ANO2: variants seen among roughly 807,000 people sequenced by gnomAD.
The protein encoded by ANO2 is anoctamin-2.
ANO2 carries 101 observed loss-of-function variants against 124.2 expected under a neutral mutation model. The ratio of observed to expected loss-of-function variants is 0.81; its 90% CI spans 0.69 to 0.96. The LOEUF (loss-of-function observed/expected upper bound fraction) is 0.96. Among genes scored for constraint, ANO2 ranks in the 40% least tolerant of loss-of-function variants. The probability of loss-of-function intolerance (pLI) is 0.00; values close to 1 mark genes in which losing one functional copy is unlikely to be tolerated. For missense variants in ANO2, 1,293 were observed against 1,274.5 expected (o/e 1.01, Z -0.22); for synonymous variants, 486 against 482.5 (o/e 1.01, Z -0.09).
chr12:5,601,338 A>C (rs146086927), intron 19 of ANO2, among the ~76,000 whole-genome samples: 2 of 152,308 alleles, frequency 1.3e-5, no homozygotes, highest in Admixed American at 1.3e-4. Flanking sequence ...TTATCACAGA[A>C]GGATTTAAAG....
chr12:5,683,007 G>A (rs1948562651), intron 14 of ANO2, among the ~76,000 whole-genome samples: 1 of 152,130 alleles, frequency 6.6e-6, no homozygotes, highest in Non-Finnish European at 1.5e-5. Flanking sequence ...CTTGAGTACT[G>A]GGGACTGTGA....
At chr12:5,723,474 C>A (rs1426321289) in intron 14 of ANO2, among the ~76,000 whole-genome samples, 1 of 152,130 alleles carries the variant, frequency 6.6e-6, no homozygotes, top group Non-Finnish European at 1.5e-5. Flanking sequence ...TCTACCCATA[C>A]ATTTCCTTGC....
In ANO2 at chr12:5,940,833, CAAA is replaced by C. The variant is rs573293695; in HGVS notation, c.22+4360_22+4362del. Among the ~76,000 whole-genome samples the C allele has an allele frequency of 1.1e-4, 16 of 152,250 alleles. No individual in the cohort carries two copies. The East Asian group carries it at 3.1e-3, about 29-fold the overall frequency. Reference sequence around the variant, plus strand: ...TTCATAGCAGTATCATTTATAGTAACAAAAACTAGGACACACAAATGCCCATGA... The same window carrying C: ...TTCATAGCAGTATCATTTATAGTAACAACTAGGACACACAAATGCCCATGA... On this transcript the variant is annotated intron_variant, in intron 1 of 24. Coordinates refer to ENST00000682330, the MANE Select transcript of ANO2 (RefSeq NM_001364791.2).
intron 14 of ANO2, 37 bp downstream of exon 14, chr12:5,732,483 G>A (rs1950681455): frequency 6.4e-7 from 1 of 1,558,776 alleles, no homozygotes; most frequent in South Asian, 1.2e-5. Context: ...ATCTCAACAA[G>A]TAAAGAGGAC....
In ANO2 at chr12:5,612,181, C is replaced by G. The variant is rs192733665; in HGVS notation, c.2087+475G>C. ...GACATTTTCATAAAACCCTGGGGAGCATAGGGGGGAATCCACATGATAATA... is the reference window on the plus strand; with the variant it reads ...GACATTTTCATAAAACCCTGGGGAGGATAGGGGGGAATCCACATGATAATA... On this transcript the variant is annotated intron_variant, in intron 19 of 24. Coordinates refer to ENST00000682330, the MANE Select transcript of ANO2 (RefSeq NM_001364791.2). Among the ~76,000 whole-genome samples, 528 of 152,278 alleles carry G rather than the reference C, an allele frequency of 3.5e-3. 4 individuals are homozygous for G. Among genetic ancestry groups the G allele is most frequent in the African/African-American group, 0.012 (478 of 41,558 alleles).
intron 1 of ANO2, among the ~76,000 whole-genome samples, chr12:5,923,418 GAATT>G (rs1392654657): frequency 1.3e-5 from 2 of 152,196 alleles, no homozygotes; most frequent in African/African-American, 4.8e-5. Flanking sequence ...GAGACACCTT[GAATT>G]AATACCAAAG....
intron 10 of ANO2, among the ~76,000 whole-genome samples, chr12:5,768,715 A>T (rs1254031960): frequency 6.6e-6 from 1 of 152,118 alleles, no homozygotes; most frequent in Non-Finnish European, 1.5e-5. Flanking sequence ...AGGTCTCCTG[A>T]CTGGCTGTGG....
In ANO2 at chr12:5,787,642, T is replaced by A. The variant is rs77553289; in HGVS notation, c.1055+11865A>T. ...AACAGTGCCTGCCACACAGCAAACA[T>A]CTAACTGTTAGCTGTTGTCATTATT... On this transcript the variant is annotated intron_variant, in intron 10 of 24. Coordinates refer to ENST00000682330, the MANE Select transcript of ANO2 (RefSeq NM_001364791.2). The surrounding 1 kb of genome is among the most constrained non-coding windows in gnomAD (Gnocchi z 4.2). Among the ~76,000 whole-genome samples the A allele has an allele frequency of 0.011, 1,668 of 152,282 alleles. 35 individuals carry two copies. The highest frequency in any genetic ancestry group is 0.036 in the African/African-American group (1,503 of 41,550).
intron 7 of ANO2, among the ~76,000 whole-genome samples, chr12:5,812,591 G>GAGGA (rs148915877): frequency 1 from 106,732 of 107,090 alleles, 53,194 homozygotes; most frequent in Non-Finnish European, 1. Flanking sequence ...GAGAAAGAAA[G>GAGGA]AGGAAGAAGA....
At position 5,732,998 on chromosome 12, in the gene ANO2, C is replaced by A. The variant is rs566090630; in HGVS notation, c.1435-368G>T. 1.1e-5 allele frequency: 12 copies of A among 1,139,594 alleles called. No homozygotes were observed. The African/African-American group carries it at 1.8e-4, about 17-fold the overall frequency. 70.6% of individuals were successfully genotyped at this position (1,139,594 alleles called of 1,614,324 possible). On this transcript the variant is annotated intron_variant, in intron 13 of 24. Coordinates refer to ENST00000682330, the MANE Select transcript of ANO2 (RefSeq NM_001364791.2). Reference sequence around the variant, plus strand: ...GAGGCAGAGGGATATCCCTGGTCATCCCACCAACTATCGTCAGACCTCAAA... The same window carrying A: ...GAGGCAGAGGGATATCCCTGGTCATACCACCAACTATCGTCAGACCTCAAA...
chr12:5,923,092 A>G (rs866305900), intron 1 of ANO2, among the ~76,000 whole-genome samples: 2,440 of 10,406 alleles, frequency 0.23, 679 homozygotes, highest in African/African-American at 0.29. Flanking sequence ...ACACACACAC[A>G]CGCACACACA....
At chr12:5,858,991 A>G (rs1955187811) in intron 3 of ANO2, among the ~76,000 whole-genome samples, 1 of 152,252 alleles carries the variant, frequency 6.6e-6, no homozygotes, top group Non-Finnish European at 1.5e-5. Context: ...GGTTCAAAAT[A>G]CAGTGCATCT....
intron 14 of ANO2, among the ~76,000 whole-genome samples, chr12:5,690,650 T>C (rs1948891195): frequency 6.6e-6 from 1 of 152,102 alleles, no homozygotes; most frequent in African/African-American, 2.4e-5. Context: ...CACCTCGTAA[T>C]GCGGCATGGG....
chr12:5,725,844 T>C (rs184344796), intron 14 of ANO2, among the ~76,000 whole-genome samples: 1 of 152,242 alleles, frequency 6.6e-6, no homozygotes, highest in East Asian at 1.9e-4. Flanking sequence ...GTATTGTCTC[T>C]GCTGACCCAC....
At position 5,563,544 on chromosome 12, in the gene ANO2, G is replaced by A; in HGVS notation, c.2752C>T (p.Leu918Phe). The A allele has an allele frequency of 3.1e-6, 5 of 1,613,982 alleles. No individual in the cohort carries two copies. Among genetic ancestry groups the A allele is most frequent in the Non-Finnish European group, 4.2e-6 (5 of 1,179,890 alleles). ...FQNLVMFLSV[L>F]VDWMIPDIPT... is the part of the protein sequence containing the mutation. ...ATGTCTGGAATCATCCAGTCCACGA[G>A]GACGCTCAGGAACATCACGAGGTTC... The change falls in exon 25 of 25, where the codon CTC becomes TTC. Residue 918 changes from leucine to phenylalanine, a missense_variant. Transcript: ENST00000682330.
intron 13 of ANO2, chr12:5,733,082 A>T: frequency 1.6e-6 from 1 of 627,662 alleles, no homozygotes. Context: ...CACAGCTGGG[A>T]GTGAGGGCAA....
chr12:5,634,378 G>T (rs1191132729), intron 16 of ANO2, among the ~76,000 whole-genome samples: 1 of 152,168 alleles, frequency 6.6e-6, no homozygotes, highest in Non-Finnish European at 1.5e-5. Context: ...TCCGTATGAG[G>T]TTAACAAGAA....
intron 10 of ANO2, among the ~76,000 whole-genome samples, chr12:5,795,934 C>A (rs543406056): frequency 4.2e-4 from 64 of 152,242 alleles, no homozygotes; most frequent in African/African-American, 1.5e-3. Context: ...TCTTCCAGCT[C>A]CCTAAAGGAC....
chr12:5,685,839 G>A (rs1010194502), intron 14 of ANO2, among the ~76,000 whole-genome samples: 3 of 152,136 alleles, frequency 2.0e-5, no homozygotes, highest in African/African-American at 7.2e-5. Context: ...ACTGCCTGTC[G>A]ACTGCCTGGC....
Sources: allele counts gnomAD v4.1 joint callset (sites outside exome capture counted in the v4.1 genomes callset), GRCh38; gene constraint gnomAD v4.1.1; non-coding constraint Gnocchi (gnomAD v3.1); transcripts MANE v1.5; gene names NCBI Gene and HGNC (gene_info 2026-07-23, HGNC 2026-07-21).